Variants in MUSK observed in about 807,000 individuals in gnomAD.
The protein encoded by MUSK is muscle, skeletal receptor tyrosine-protein kinase.
In MUSK, 55 loss-of-function variants were observed where a neutral mutation model predicts 88.7. The observed-to-expected ratio is 0.62, with a 90% CI of 0.50 to 0.78. The LOEUF (loss-of-function observed/expected upper bound fraction) is 0.78, where lower values mean the gene tolerates loss of function less well. MUSK is among the 30% of genes least tolerant of loss of function. MUSK has a pLI of 0.00. For missense variants in MUSK, 1,015 were observed against 1,074.3 expected, an observed-to-expected ratio of 0.94 and a Z score of 0.77; for synonymous variants, 387 against 391.9, an observed-to-expected ratio of 0.99 and a Z score of 0.15.
chr9:110,685,438 C>T (rs1399649656), intron 2 of MUSK, among the ~76,000 whole-genome samples: 1 of 152,038 alleles, frequency 6.6e-6, no homozygotes, highest in African/African-American at 2.4e-5. Context: ...AGCAGTTTTT[C>T]CCACTTATCT....
Position 110,747,720 on chromosome 9 carries a change from G to C in MUSK, c.833G>C (p.Gly278Ala). 1 of 1,613,810 alleles carries C rather than the reference G, an allele frequency of 6.2e-7. No individual in the cohort carries two copies. Among genetic ancestry groups the C allele is most frequent in the Non-Finnish European group, 8.5e-7 (1 of 1,179,794 alleles). ...CTGCAGCTGTTTATCACCAAGCCAG[G>C]ACTCTACACATGCATAGCTACCAAT... Reference protein sequence around the residue: ...SRLQLFITKPGLYTCIATNKH... With the variant: ...SRLQLFITKPALYTCIATNKH... Residue 278 changes from glycine (G) to alanine (A), a missense_variant, in exon 7 of 15, where the codon GGA (glycine) becomes GCA (alanine). Coordinates refer to ENST00000374448, the MANE Select transcript of MUSK (RefSeq NM_005592.4).
Position 110,800,543 on chromosome 9 carries a change from T to C in MUSK, c.2165T>C (p.Val722Ala), listed in dbSNP as rs1238400476. The C allele has an allele frequency of 1.2e-6, 2 of 1,613,680 alleles. No homozygotes were observed. Among genetic ancestry groups the C allele is most frequent in the Non-Finnish European group, 1.7e-6 (2 of 1,179,836 alleles). Reference sequence around the variant, plus strand: ...GCTTACCTCTCAGAACGTAAGTTTGTTCACCGAGATTTAGCCACCAGGAAC... The same window carrying C: ...GCTTACCTCTCAGAACGTAAGTTTGCTCACCGAGATTTAGCCACCAGGAAC... ...GMAYLSERKF[V>A]HRDLATRNCL... The change falls in exon 15 of 15, where the codon GTT (valine) becomes GCT (alanine). Residue 722 changes from valine (V) to alanine (A), a missense_variant. Physicochemically the swap from Val to Ala is moderately conservative, Grantham distance 64. Coordinates refer to ENST00000374448, the MANE Select transcript of MUSK (RefSeq NM_005592.4).
intron 8 of MUSK, among the ~76,000 whole-genome samples, chr9:110,764,854 G>A (rs560637582): frequency 1.3e-5 from 2 of 152,196 alleles, no homozygotes; most frequent in African/African-American, 4.8e-5. Flanking sequence ...GGAAGAAAAA[G>A]CAAAATTAAA....
At chr9:110,765,819 C>A (rs914266519) in intron 8 of MUSK, among the ~76,000 whole-genome samples, 1 of 152,158 alleles carries the variant, frequency 6.6e-6, no homozygotes, top group Non-Finnish European at 1.5e-5. Context: ...GGTGATCCAC[C>A]CATCTCGGCC....
intron 7 of MUSK, among the ~76,000 whole-genome samples, chr9:110,756,152 T>G (rs868169142): frequency 6.6e-6 from 1 of 151,520 alleles, no homozygotes; most frequent in South Asian, 2.1e-4. Flanking sequence ...CATCCAGGCT[T>G]TTAATGCCTT....
chr9:110,770,301 T>C (rs2077550479), intron 9 of MUSK, among the ~76,000 whole-genome samples: 1 of 143,052 alleles, frequency 7.0e-6, no homozygotes, highest in African/African-American at 2.6e-5. Flanking sequence ...TACAATTATA[T>C]ATTAACTTAA....
intron 3 of MUSK, among the ~76,000 whole-genome samples, chr9:110,687,672 T>C (rs1364501872): frequency 6.6e-6 from 1 of 152,008 alleles, no homozygotes; most frequent in Non-Finnish European, 1.5e-5. Context: ...TAAATAGAGA[T>C]TTTCTCAGGC....
At chr9:110,689,183 A>C (rs1404050292) in intron 3 of MUSK, among the ~76,000 whole-genome samples, 1 of 55,964 alleles carries the variant, frequency 1.8e-5, no homozygotes, top group Non-Finnish European at 3.0e-5. Context: ...ATATTTATAT[A>C]AATATATCAT....
chr9:110,767,802 GTTCA>G lies in MUSK; in HGVS notation c.921-15_921-12del. The G allele has an allele frequency of 6.2e-7, 1 of 1,612,486 alleles. No homozygotes were observed. The highest frequency in any genetic ancestry group is 1.1e-5 in the South Asian group (1 of 91,050). On this transcript the variant is annotated splice_polypyrimidine_tract_variant and intron_variant, in intron 8 of 14. Transcript: ENST00000374448. ...GAAATAGCATGTGATTAGAAATGTT[GTTCA>G]TTTCTTCTTTCAGTAAACCACAGAA...
chr9:110,745,856 G>A (rs1345552156), intron 6 of MUSK, among the ~76,000 whole-genome samples: 1 of 152,150 alleles, frequency 6.6e-6, no homozygotes, highest in Non-Finnish European at 1.5e-5. Flanking sequence ...TAGTACTGAA[G>A]GTAAAGAATA....
chr9:110,775,993 G>A lies in MUSK; in HGVS notation c.1360+30G>A, dbSNP rs201418917. 7.7e-6 allele frequency: 12 copies of A among 1,556,096 alleles called. No individual in the cohort carries two copies. In the African/African-American group the frequency reaches 1.5e-4, roughly 20 times the overall value. ...CACAGAGTTCTCCCAAGACTTTGGA[G>A]GTTAAGAGAAATTTACTATTTTGAA... is the stretch of plus-strand genomic sequence containing the variant. On this transcript the variant is annotated intron_variant, in intron 10 of 14. Coordinates refer to ENST00000374448, the MANE Select transcript of MUSK (RefSeq NM_005592.4).
At chr9:110,702,118 T>C (rs1292363187) in intron 5 of MUSK, among the ~76,000 whole-genome samples, 1 of 151,500 alleles carries the variant, frequency 6.6e-6, no homozygotes, top group Non-Finnish European at 1.5e-5. Flanking sequence ...GCTCCAGCAA[T>C]ATAACAGACA....
chr9:110,763,103 C>T (rs1283229121), intron 8 of MUSK, among the ~76,000 whole-genome samples: 1 of 151,912 alleles, frequency 6.6e-6, no homozygotes, highest in Admixed American at 6.5e-5. Flanking sequence ...TTTTTTTTAA[C>T]TAAAAACACC....
chr9:110,761,086 C>G (rs1035388704), intron 7 of MUSK, among the ~76,000 whole-genome samples: 5 of 152,152 alleles, frequency 3.3e-5, no homozygotes, highest in Non-Finnish European at 7.3e-5. Flanking sequence ...CCATAAAGCA[C>G]TTGGTAAAGA....
chr9:110,689,743 T>TATATATCATA, intron 3 of MUSK, among the ~76,000 whole-genome samples: 1 of 74,140 alleles, frequency 1.3e-5, no homozygotes, highest in Non-Finnish European at 2.2e-5. Context: ...ATATATAATA[T>TATATATCATA]TATATATTAT....
rs1241504261 is a variant in MUSK at position 110,681,067 on chromosome 9, A to T, written c.80-1607A>T. 3.6e-3 allele frequency among the ~76,000 whole-genome samples: 47 copies of T among 13,072 alleles called. 9 individuals are homozygous for T. Among genetic ancestry groups the T allele is most frequent in the African/African-American group, 0.017 (37 of 2,168 alleles). 8.6% of individuals were successfully genotyped at this position (13,072 alleles called of 152,430 possible). On this transcript the variant is annotated intron_variant, in intron 1 of 14. Transcript: ENST00000374448. Reference sequence around the variant, plus strand: ...AATATATATTATATATTATATATATAATATTATATATATTATATAATATAT... The same window carrying T: ...AATATATATTATATATTATATATATTATATTATATATATTATATAATATAT...
At chr9:110,739,351 C>T (rs1313320157) in intron 6 of MUSK, among the ~76,000 whole-genome samples, 4 of 152,132 alleles carry the variant, frequency 2.6e-5, no homozygotes, top group African/African-American at 9.7e-5. Flanking sequence ...TGACAGCATG[C>T]ATGAAGTATT....
At chr9:110,782,719 AC>A (rs1417679726) in intron 11 of MUSK, among the ~76,000 whole-genome samples, 7 of 152,048 alleles carry the variant, frequency 4.6e-5, no homozygotes, top group African/African-American at 1.7e-4. Flanking sequence ...ACCACCACCC[AC>A]CCATCTTAGA....
chr9:110,705,063 G>T (rs371060057), intron 5 of MUSK, among the ~76,000 whole-genome samples: 16 of 151,128 alleles, frequency 1.1e-4, no homozygotes, highest in East Asian at 3.9e-4. Flanking sequence ...TATACTTTTT[G>T]CATCTTTATA....
Sources: gnomAD v4.1 joint callset for allele counts (sites outside exome capture counted in the v4.1 genomes callset) on GRCh38, gnomAD v4.1.1 for gene constraint, MANE v1.5 for transcripts, NCBI Gene and HGNC (gene_info 2026-07-23, HGNC 2026-07-21) for gene names.